The following DNAH5 variants were observed in gnomAD, a reference collection of about 807,000 sequenced individuals.
DNAH5 encodes dynein axonemal heavy chain 5, also known as axonemal beta dynein heavy chain 5.
DNAH5 carries 372 observed loss-of-function variants against 518.2 expected under a neutral mutation model. The ratio of observed to expected loss-of-function variants is 0.72; its 90% CI spans 0.66 to 0.78. DNAH5 has a LOEUF of 0.78. Among genes scored for constraint, DNAH5 ranks in the 30% least tolerant of loss-of-function variants. The pLI is 0.00. For synonymous variants in DNAH5, 2,039 were observed against 2,025.9 expected, an observed-to-expected ratio of 1.01 and a Z score of -0.17; for missense variants, 5,523 against 5,687.0, an observed-to-expected ratio of 0.97 and a Z score of 0.93.
At chr5:13,926,990 T>C (rs181260804) in intron 3 of DNAH5, among the ~76,000 whole-genome samples, 10 of 152,336 alleles carry the variant, frequency 6.6e-5, no homozygotes, top group Admixed American at 6.5e-4. Context: ...TCTTCAGTTT[T>C]TAAACAAAGA....
chr5:13,948,852 A>G (rs767311717), upstream of DNAH5, among the ~76,000 whole-genome samples: 1 of 152,170 alleles, frequency 6.6e-6, no homozygotes, highest in Non-Finnish European at 1.5e-5. Flanking sequence ...CAATAGAGGG[A>G]GGTGGAAACT....
chr5:13,763,830 G>A (rs570191507), intron 59 of DNAH5, among the ~76,000 whole-genome samples: 30 of 152,326 alleles, frequency 2.0e-4, no homozygotes, highest in African/African-American at 5.5e-4. Flanking sequence ...CAAATGCAAG[G>A]GAGAGTCCAA....
intron 25 of DNAH5, 70 bp from the exon 26 acceptor site, chr5:13,866,352 A>T (rs1769252877): frequency 7.9e-7 from 1 of 1,263,426 alleles, no homozygotes; most frequent in African/African-American, 1.5e-5. Flanking sequence ...CTCAATCCAT[A>T]TTTAAATATT....
chr5:13,836,453 T>C (rs1596790), intron 35 of DNAH5, among the ~76,000 whole-genome samples: 81 of 151,956 alleles, frequency 5.3e-4, no homozygotes, highest in African/African-American at 1.9e-3. Context: ...CAAAGGGACA[T>C]CCAGACCACT....
chr5:13,902,286 A>C, intron 12 of DNAH5, 148 bp from the exon 13 acceptor site: 1 of 657,208 alleles, frequency 1.5e-6, no homozygotes. Context: ...AGAAAAATAA[A>C]TGCCCAGAAG....
chr5:13,964,888 C>T (rs1002264740), intron 1 of DNAH5, among the ~76,000 whole-genome samples: 1 of 152,214 alleles, frequency 6.6e-6, no homozygotes, highest in African/African-American at 2.4e-5. Flanking sequence ...ATTTCTCACC[C>T]TAAATCTCCT....
chr5:14,007,423 T>C (rs906664491), intron 1 of DNAH5, among the ~76,000 whole-genome samples: 2 of 152,058 alleles, frequency 1.3e-5, no homozygotes, highest in African/African-American at 2.4e-5. Flanking sequence ...TGAGGCCACA[T>C]CCTCACAGCC....
chr5:13,923,535 G>T (rs2151997516), intron 3 of DNAH5, 95 bp from the exon 4 acceptor site: 1 of 1,408,542 alleles, frequency 7.1e-7, no homozygotes, highest in Non-Finnish European at 9.8e-7. Flanking sequence ...TATTGCCATT[G>T]TTGACTTGTC....
At chr5:13,782,786 T>C (rs1471615086) in intron 52 of DNAH5, among the ~76,000 whole-genome samples, 1 of 152,152 alleles carries the variant, frequency 6.6e-6, no homozygotes, top group Non-Finnish European at 1.5e-5. Flanking sequence ...AACAGATACA[T>C]GAACAGAGAA....
intron 1 of DNAH5, among the ~76,000 whole-genome samples, chr5:13,970,321 T>A (rs553070496): frequency 6.6e-6 from 1 of 152,288 alleles, no homozygotes; most frequent in East Asian, 1.9e-4. Flanking sequence ...TACTATTCTA[T>A]TCATCTTGCT....
intron 68 of DNAH5, among the ~76,000 whole-genome samples, chr5:13,731,002 C>A (rs1223275298): frequency 6.6e-6 from 1 of 152,158 alleles, no homozygotes. Context: ...CCGCGCCCGG[C>A]CTACGCATTA....
intron 1 of DNAH5, among the ~76,000 whole-genome samples, chr5:13,982,472 ATGAG>A (rs1187405629): frequency 6.6e-6 from 1 of 152,240 alleles, no homozygotes; most frequent in South Asian, 2.1e-4. Flanking sequence ...GCACTATTGC[ATGAG>A]TGAGTAGACA....
chr5:13,771,040 T>C, intron 55 of DNAH5, 60 bp from the exon 56 acceptor site: 1 of 1,362,900 alleles, frequency 7.3e-7, no homozygotes, highest in Non-Finnish European at 1.0e-6. Context: ...TTTTAAAAGT[T>C]AACTGTTTAT....
At position 13,696,412 on chromosome 5, in the gene DNAH5, G is replaced by A. The variant is rs190575294; in HGVS notation, c.13723+4228C>T. Among the ~76,000 whole-genome samples, 8 of 152,192 alleles carry A rather than the reference G, an allele frequency of 5.3e-5. No homozygotes were observed. The South Asian group carries it at 1.2e-3, about 24-fold the overall frequency. On this transcript the variant is annotated intron_variant, in intron 78 of 78. Transcript: ENST00000265104. Reference sequence around the variant, plus strand: ...TTAGTACTATTTGAATGACTTTCCCGTGATTTTCTAGCAAGAAACATGATT... The same window carrying A: ...TTAGTACTATTTGAATGACTTTCCCATGATTTTCTAGCAAGAAACATGATT...
chr5:13,717,562 T>C (rs1382482056), intron 72 of DNAH5, 42 bp from the exon 73 acceptor site: 1 of 1,482,732 alleles, frequency 6.7e-7, no homozygotes, highest in Non-Finnish European at 9.4e-7. Flanking sequence ...ATCTCTCAAA[T>C]GTCTTTATTT....
At chr5:13,768,045 A>G (rs1200365408) in intron 58 of DNAH5, among the ~76,000 whole-genome samples, 1 of 152,212 alleles carries the variant, frequency 6.6e-6, no homozygotes, top group Non-Finnish European at 1.5e-5. Context: ...GGTGTGGCCT[A>G]GTTCACTAAA....
chr5:13,717,178 A>C, intron 73 of DNAH5, 137 bp downstream of exon 73: 1 of 795,568 alleles, frequency 1.3e-6, no homozygotes, highest in Non-Finnish European at 2.1e-6. Flanking sequence ...TGTGACCCAA[A>C]TTGCTATGAC....
At chr5:13,798,758 T>G (rs1758254490) in intron 47 of DNAH5, among the ~76,000 whole-genome samples, 1 of 149,182 alleles carries the variant, frequency 6.7e-6, no homozygotes, top group Non-Finnish European at 1.5e-5. Flanking sequence ...ATTTATTTAT[T>G]TATTTATTTA....
chr5:13,901,473 T>C lies in DNAH5; in HGVS notation c.1831A>G (p.Lys611Glu), dbSNP rs746567053. 2 of 1,613,872 alleles carry C rather than the reference T, an allele frequency of 1.2e-6. No individual in the cohort carries two copies. Among genetic ancestry groups the C allele is most frequent in the African/African-American group, 2.7e-5 (2 of 74,936 alleles). The stretch of plus-strand genomic sequence containing the variant: ...TTTCGAGCCAGAGGAGGATCGTATT[T>C]CTGCTTTGTATACAGCTTTGAAATC... Reference protein sequence around the residue: ...DMISKLYTKQKYDPPLARNQP... With the variant: ...DMISKLYTKQEYDPPLARNQP... Residue 611 changes from lysine (K) to glutamate (E), a missense_variant, in exon 14 of 79, where the codon AAA becomes GAA. Lys to Glu is a moderately conservative substitution (Grantham distance 56). This residue lies in a region of DNAH5 where 5,121 missense variants were observed against 5,223.3 expected (regional missense o/e 0.98). Transcript: ENST00000265104.
Sources: gnomAD v4.1 joint callset for allele counts (sites outside exome capture counted in the v4.1 genomes callset) on GRCh38, gnomAD v4.1.1 for gene constraint, gnomAD v4.1.1 regional missense constraint, MANE v1.5 for transcripts, NCBI Gene and HGNC (gene_info 2026-07-23, HGNC 2026-07-21) for gene names.